Variants in NSL1 observed in about 807,000 individuals in gnomAD.
The protein encoded by NSL1 is NSL1 component of MIS12 kinetochore complex.
Under a neutral mutation model 25.4 loss-of-function variants are expected in NSL1, and 11 were observed. The ratio of observed to expected loss-of-function variants is 0.43; its 90% CI spans 0.27 to 0.72. The LOEUF is 0.72. Ranked by LOEUF, NSL1 falls within the 30% of genes least tolerant of loss-of-function variation. NSL1 has a pLI of 0.19. For synonymous variants in NSL1, 118 were observed against 120.6 expected (o/e 0.98, Z 0.14); for missense variants, 330 against 342.7 (o/e 0.96, Z 0.29).
chr1:212,752,522 C>G (rs1229384241), intron 4 of NSL1, among the ~76,000 whole-genome samples: 1 of 150,116 alleles, frequency 6.7e-6, no homozygotes, highest in South Asian at 2.1e-4. Flanking sequence ...TAGCGAAGGA[C>G]AGGGAAAAAA....
In NSL1 at chr1:212,787,573, T is replaced by G; in HGVS notation, c.299A>C (p.Asp100Ala). 1 of 1,604,542 alleles carries G rather than the reference T, an allele frequency of 6.2e-7. No individual in the cohort carries two copies. Among genetic ancestry groups the G allele is most frequent in the Non-Finnish European group, 8.5e-7 (1 of 1,176,184 alleles). Residue 100 changes from aspartate (D) to alanine (A), a missense_variant, in exon 2 of 6, where the codon GAT (aspartate) becomes GCT (alanine). Coordinates refer to ENST00000366977, the MANE Select transcript of NSL1 (RefSeq NM_015471.4). The part of the protein sequence containing the change: ...INGQAWQEAS[D>A]NCFMDSDIKV... The stretch of plus-strand genomic sequence containing the variant: ...AAGTCACATACCCATAAAACAATTA[T>G]CTGAAGCTTCCTGCCATGCTTGCCC...
At chr1:212,776,893 TAAGAC>T (rs1449958564) in intron 4 of NSL1, among the ~76,000 whole-genome samples, 1 of 151,426 alleles carries the variant, frequency 6.6e-6, no homozygotes. Context: ...TATTAAAAAA[TAAGAC>T]AAACAAATGA....
chr1:212,782,391 T>C lies in NSL1; in HGVS notation c.480A>G (p.Leu160=). ...QYHPVVHPLD[L]KYDPDPAPHM... ...ACTCACCTGGATCAGGGTCATATTT[T>C]AGGTCCAGTGGATGTACAACAGGGT... The change falls in exon 4 of 6, where the codon CTA becomes CTG. Residue 160 remains leucine (L), a synonymous_variant. Coordinates refer to ENST00000366977, the MANE Select transcript of NSL1 (RefSeq NM_015471.4). 1 of 1,611,652 alleles carries C rather than the reference T, an allele frequency of 6.2e-7. No homozygotes were observed. The highest frequency in any genetic ancestry group is 8.5e-7 in the Non-Finnish European group (1 of 1,177,750).
At position 212,727,799 on chromosome 1, in the gene NSL1, T is replaced by C; in HGVS notation, c.*10609A>G. ...AATTGCTTTAAACAACTTTGAGCAC[T>C]TTCTTAGACACTAGTATTACATAGT... On this transcript the variant is annotated 3_prime_UTR_variant, in exon 6 of 6. Coordinates refer to ENST00000366977, the MANE Select transcript of NSL1 (RefSeq NM_015471.4). The C allele has an allele frequency of 1.0e-6, 1 of 984,286 alleles. No homozygotes were observed. Among genetic ancestry groups the C allele is most frequent in the Non-Finnish European group, 1.2e-6 (1 of 828,864 alleles). The allele number at this position is 984,286 out of a possible 1,614,324, so 61.0% of individuals were successfully genotyped here. A position where few individuals can be genotyped will look rare whatever the true frequency, so the allele number is the denominator to read the frequency against.
chr1:212,791,737 G>A lies in NSL1; in HGVS notation c.27C>T (p.Val9=). Residue 9 remains valine (V), a synonymous_variant, in exon 1 of 6, where the codon GTC becomes GTT. Coordinates refer to ENST00000366977, the MANE Select transcript of NSL1 (RefSeq NM_015471.4). MAGSPELV[V]LDPPWDKELA... is the part of the protein sequence containing the mutation. Reference sequence around the variant, plus strand: ...GCTCCTTGTCCCATGGAGGGTCAAGGACCACCAACTCAGGAGACCCCGCCA... The same window carrying A: ...GCTCCTTGTCCCATGGAGGGTCAAGAACCACCAACTCAGGAGACCCCGCCA... 3.1e-6 allele frequency: 5 copies of A among 1,611,972 alleles called. No homozygotes were observed. Among genetic ancestry groups the A allele is most frequent in the South Asian group, 1.1e-5 (1 of 90,988 alleles).
At position 212,732,028 on chromosome 1, in the gene NSL1, ATTT is replaced by A. The variant is rs11342201; in HGVS notation, c.*6377_*6379del. 7.7e-4 allele frequency: 712 copies of A among 925,396 alleles called. No homozygotes were observed. Among genetic ancestry groups the A allele is most frequent in the East Asian group, 3.7e-3 (31 of 8,336 alleles). The allele number at this position is 925,396 out of a possible 1,614,324, so 57.3% of individuals were successfully genotyped here. A position where few individuals can be genotyped will look rare whatever the true frequency, so the allele number is the denominator to read the frequency against. The stretch of plus-strand genomic sequence containing the variant: ...TTAGCCTCCCAGTGTAACTGTCCCA[ATTT>A]TTTTTTTTTTTTTTTACTGAATTCA... On this transcript the variant is annotated 3_prime_UTR_variant, in exon 6 of 6. Transcript: ENST00000366977.
intron 4 of NSL1, among the ~76,000 whole-genome samples, chr1:212,757,755 G>A (rs1452687046): frequency 1.3e-5 from 2 of 152,184 alleles, no homozygotes; most frequent in African/African-American, 4.8e-5. Context: ...CTTGCACTAG[G>A]TCCATCTACA....
chr1:212,746,130 C>T (rs891482703), intron 4 of NSL1, among the ~76,000 whole-genome samples: 1 of 152,140 alleles, frequency 6.6e-6, no homozygotes, highest in African/African-American at 2.4e-5. Flanking sequence ...AAGGTAACTA[C>T]ATAGGTAAAT....
chr1:212,731,679 A>G lies in NSL1; in HGVS notation c.*6729T>C. On this transcript the variant is annotated 3_prime_UTR_variant, in exon 6 of 6. Coordinates refer to ENST00000366977, the MANE Select transcript of NSL1 (RefSeq NM_015471.4). ...TCTTTATTCTGCTGCACTAAATTAT[A>G]TCCATATTGTATGATCTTGAATCAG... 1 of 985,396 alleles carries G rather than the reference A, an allele frequency of 1.0e-6. No homozygotes were observed. The highest frequency in any genetic ancestry group is 4.7e-5 in the South Asian group (1 of 21,286). The allele number at this position is 985,396 out of a possible 1,614,324, so 61.0% of individuals were successfully genotyped here.
chr1:212,769,937 T>C (rs1331733350), intron 4 of NSL1, among the ~76,000 whole-genome samples: 2 of 152,148 alleles, frequency 1.3e-5, no homozygotes, highest in Admixed American at 6.6e-5. Flanking sequence ...CCCAACTATA[T>C]GCTGCCTACA....
chr1:212,782,149 A>G (rs1660759123), intron 4 of NSL1: 1 of 711,042 alleles, frequency 1.4e-6, no homozygotes, highest in East Asian at 2.7e-5. Flanking sequence ...CAAGAACTTT[A>G]TAAAAGCTCA....
intron 3 of NSL1, among the ~76,000 whole-genome samples, chr1:212,783,053 T>C (rs1157694806): frequency 2.6e-5 from 4 of 152,138 alleles, no homozygotes; most frequent in South Asian, 2.1e-4. Context: ...ACACTTGTAA[T>C]TGCAGCACTT....
intron 2 of NSL1, among the ~76,000 whole-genome samples, chr1:212,784,782 T>C (rs185739882): frequency 6.6e-6 from 1 of 152,254 alleles, no homozygotes; most frequent in African/African-American, 2.4e-5. Flanking sequence ...AAACAGACAA[T>C]TGCAAGGCAA....
Position 212,731,358 on chromosome 1 carries a change from C to G in NSL1, c.*7050G>C, listed in dbSNP as rs1441329555. 1 of 981,118 alleles carries G rather than the reference C, an allele frequency of 1.0e-6. No homozygotes were observed. The highest frequency in any genetic ancestry group is 1.8e-5 in the African/African-American group (1 of 57,078). 60.8% of individuals were successfully genotyped at this position (981,118 alleles called of 1,614,324 possible). ...ATGGCTTGAGCCCAGGAATTCAAGA[C>G]CAGCCGGGGCAATATGGCGAGACCC... On this transcript the variant is annotated 3_prime_UTR_variant, in exon 6 of 6. Coordinates refer to ENST00000366977, the MANE Select transcript of NSL1 (RefSeq NM_015471.4).
rs926708261 is a variant in NSL1, at chr1:212,727,824, T to C, written c.*10584A>G. 8 of 983,534 alleles carry C rather than the reference T, an allele frequency of 8.1e-6. No homozygotes were observed. Among genetic ancestry groups the C allele is most frequent in the Non-Finnish European group, 9.7e-6 (8 of 828,340 alleles). The allele number at this position is 983,534 out of a possible 1,614,324, so 60.9% of individuals were successfully genotyped here. A position where few individuals can be genotyped will look rare whatever the true frequency, so the allele number is the denominator to read the frequency against. ...TTTCTTAGACACTAGTATTACATAG[T>C]AATATTCACTATTCGTTAACTGCTG... On this transcript the variant is annotated 3_prime_UTR_variant, in exon 6 of 6. Transcript: ENST00000366977.
intron 4 of NSL1, among the ~76,000 whole-genome samples, chr1:212,745,160 CTATATATATATATATAT>C (rs1390588788): frequency 2.0e-4 from 23 of 117,690 alleles, no homozygotes; most frequent in South Asian, 8.0e-4. Flanking sequence ...AACAAACAAA[CTATATATATATATATAT>C]ATATATATAT....
intron 4 of NSL1, chr1:212,782,009 T>C: frequency 1.9e-6 from 1 of 533,484 alleles, no homozygotes; most frequent in South Asian, 1.4e-5. Context: ...CTGCACCAGG[T>C]GTGACACTAT....
At chr1:212,759,755 C>T (rs185859318) in intron 4 of NSL1, among the ~76,000 whole-genome samples, 1 of 152,284 alleles carries the variant, frequency 6.6e-6, no homozygotes, top group East Asian at 1.9e-4. Context: ...TGGCACAACA[C>T]TGACTGAACC....
At chr1:212,766,767 T>C (rs911415296) in intron 4 of NSL1, among the ~76,000 whole-genome samples, 1 of 152,146 alleles carries the variant, frequency 6.6e-6, no homozygotes, top group Admixed American at 6.5e-5. Flanking sequence ...TCAGTAGCAC[T>C]GCTACACACC....
Sources: allele counts gnomAD v4.1 joint callset (sites outside exome capture counted in the v4.1 genomes callset), GRCh38; gene constraint gnomAD v4.1.1; transcripts MANE v1.5; gene names NCBI Gene and HGNC (gene_info 2026-07-23, HGNC 2026-07-21).